The following COA1 variants were observed in gnomAD, a reference collection of about 807,000 sequenced individuals.
COA1 encodes cytochrome c oxidase assembly factor 1 homolog.
COA1 carries 13 observed loss-of-function variants against 16.0 expected under a neutral mutation model. The ratio of observed to expected loss-of-function variants is 0.81; its 90% CI spans 0.53 to 1.29. COA1 has a LOEUF of 1.29. Among genes scored for constraint, COA1 ranks in the 50% most tolerant of loss-of-function variants. COA1 has a pLI of 0.00. For missense variants in COA1, 179 were observed against 177.0 expected, an observed-to-expected ratio of 1.01 and a Z score of -0.06; for synonymous variants, 65 against 65.7, an observed-to-expected ratio of 0.99 and a Z score of 0.05.
intron 6 of COA1, among the ~76,000 whole-genome samples, chr7:43,634,043 C>T (rs2085469764): frequency 6.6e-6 from 1 of 152,164 alleles, no homozygotes; most frequent in South Asian, 2.1e-4. Context: ...CTAAAATTTC[C>T]ATTTGATTCT....
chr7:43,721,731 T>C lies in COA1; in HGVS notation c.-39+7698A>G, dbSNP rs2095508513. Among the ~76,000 whole-genome samples, 4 of 152,146 alleles carry C rather than the reference T, an allele frequency of 2.6e-5. No homozygotes were observed. In the South Asian group the frequency reaches 8.3e-4, roughly 32 times the overall value. ...CTATGGTGTTGGTTATAGAAATCAG[T>C]ACATGGGTTAAAATTTATAATATAA... On this transcript the variant is annotated intron_variant, in intron 1 of 5. Coordinates refer to ENST00000223336, the MANE Select transcript of COA1 (RefSeq NM_018224.4).
chr7:43,645,039 G>A (rs1039473382), intron 4 of COA1, among the ~76,000 whole-genome samples: 2 of 151,990 alleles, frequency 1.3e-5, no homozygotes, highest in African/African-American at 2.4e-5. Flanking sequence ...CAGAATGGAA[G>A]AAAAGTATAC....
intron 1 of COA1, among the ~76,000 whole-genome samples, chr7:43,670,411 C>T (rs1341037429): frequency 6.6e-6 from 1 of 151,960 alleles, no homozygotes; most frequent in Admixed American, 6.6e-5. Context: ...CGAGACTGCA[C>T]CACTGCACTA....
intron 1 of COA1, among the ~76,000 whole-genome samples, chr7:43,655,420 G>A (rs1384492134): frequency 6.6e-6 from 1 of 152,210 alleles, no homozygotes; most frequent in Non-Finnish European, 1.5e-5. Flanking sequence ...GGAGGCCGAG[G>A]CAGGCAGATC....
intron 2 of COA1, 163 bp from the exon 3 acceptor site, chr7:43,647,797 G>A (rs1443372715): frequency 3.2e-6 from 2 of 617,552 alleles, no homozygotes; most frequent in African/African-American, 1.8e-5. Context: ...GGTTGGTTCT[G>A]AAGCCAAACT....
intron 6 of COA1, among the ~76,000 whole-genome samples, chr7:43,628,324 A>G (rs1398551127): frequency 3.3e-5 from 5 of 152,094 alleles, no homozygotes; most frequent in Admixed American, 1.3e-4. Flanking sequence ...GTGTCGTGCT[A>G]TTTGAATGCA....
intron 6 of COA1, among the ~76,000 whole-genome samples, chr7:43,628,909 C>A (rs7803483): frequency 0.085 from 12,950 of 152,138 alleles, 653 homozygotes; most frequent in East Asian, 0.19. Context: ...TTAATGCTTT[C>A]TTTGTGCTCT....
chr7:43,710,409 C>T (rs1438004999), intron 1 of COA1, among the ~76,000 whole-genome samples: 16 of 126,308 alleles, frequency 1.3e-4, no homozygotes, highest in Non-Finnish European at 2.5e-4. Context: ...TAAGATATGT[C>T]CTAAACAGTT....
intron 1 of COA1, among the ~76,000 whole-genome samples, chr7:43,719,246 G>A (rs1375091914): frequency 6.6e-6 from 1 of 152,106 alleles, no homozygotes; most frequent in African/African-American, 2.4e-5. Context: ...GGGATTATAG[G>A]CATGAGCCAC....
chr7:43,622,474 C>T, intron 6 of COA1: 1 of 150,770 alleles, frequency 6.6e-6, no homozygotes, highest in African/African-American at 2.4e-5. Context: ...AGTTTTTAGT[C>T]TTTGGTCTGT....
At chr7:43,618,591 C>A (rs959927258) in intron 6 of COA1, among the ~76,000 whole-genome samples, 2 of 152,108 alleles carry the variant, frequency 1.3e-5, no homozygotes, top group Admixed American at 6.5e-5. Flanking sequence ...TAAGTGAGGA[C>A]CCTTTATAAT....
intron 6 of COA1, among the ~76,000 whole-genome samples, chr7:43,618,859 G>A (rs1415911866): frequency 6.6e-6 from 1 of 152,160 alleles, no homozygotes; most frequent in Non-Finnish European, 1.5e-5. Context: ...TCATCAGTAT[G>A]TAAGTGGCAG....
intron 4 of COA1, among the ~76,000 whole-genome samples, chr7:43,644,603 T>C (rs542322387): frequency 6.6e-6 from 1 of 152,006 alleles, no homozygotes; most frequent in Admixed American, 6.6e-5. Flanking sequence ...CATAACTCAT[T>C]GCAGCCTCCA....
chr7:43,613,891 AAGT>A (rs796733211), intron 6 of COA1, among the ~76,000 whole-genome samples: 8 of 152,314 alleles, frequency 5.3e-5, no homozygotes, highest in South Asian at 2.1e-4. Flanking sequence ...ATTTCAAAAA[AAGT>A]AGCCAGAAGC....
chr7:43,641,370 A>T (rs1203746020), intron 4 of COA1: 1 of 151,670 alleles, frequency 6.6e-6, no homozygotes, highest in Non-Finnish European at 1.5e-5. Context: ...CTACTTAATG[A>T]TATATGTGCT....
chr7:43,706,238 T>C (rs1386080819), intron 1 of COA1, among the ~76,000 whole-genome samples: 3 of 152,106 alleles, frequency 2.0e-5, no homozygotes, highest in African/African-American at 4.8e-5. Context: ...AAAAAGTATA[T>C]ATTAATATTA....
chr7:43,684,715 ATGCTCTTAACTACCATACTTGACTGCT>A (rs770167053), intron 1 of COA1, among the ~76,000 whole-genome samples: 9 of 152,196 alleles, frequency 5.9e-5, no homozygotes, highest in Non-Finnish European at 1.2e-4. Context: ...TTCACAGTGC[ATGCTCTTAACTACCATACTTGACTGCT>A]TGCTCAAAAA....
chr7:43,643,484 A>G (rs556768800), intron 4 of COA1, among the ~76,000 whole-genome samples: 1 of 152,334 alleles, frequency 6.6e-6, no homozygotes, highest in Non-Finnish European at 1.5e-5. Context: ...CCTGGCACAG[A>G]GTGAGCACTC....
intron 1 of COA1, among the ~76,000 whole-genome samples, chr7:43,689,302 C>G (rs1238795366): frequency 6.6e-6 from 1 of 152,178 alleles, no homozygotes; most frequent in African/African-American, 2.4e-5. Flanking sequence ...AGGAGGAACT[C>G]TCCATTCAAC....
Sources: gnomAD v4.1 joint callset for allele counts (sites outside exome capture counted in the v4.1 genomes callset) on GRCh38, gnomAD v4.1.1 for gene constraint, MANE v1.5 for transcripts, NCBI Gene and HGNC (gene_info 2026-07-23, HGNC 2026-07-21) for gene names.